AIM2: variants seen among roughly 807,000 people sequenced by gnomAD.
The protein encoded by AIM2 is interferon-inducible protein AIM2.
Under a neutral mutation model 27.7 loss-of-function variants are expected in AIM2, and 30 were observed. That is an observed-to-expected ratio of 1.08 (90% confidence interval 0.81 to 1.47). The LOEUF is 1.47. AIM2 is among the 40% of genes most tolerant of loss of function. The pLI is 0.00. For missense variants in AIM2, 358 were observed against 411.3 expected (o/e 0.87, Z 1.12); for synonymous variants, 141 against 145.3 (o/e 0.97, Z 0.21).
chr1:159,055,978 T>C, the AIM2 span, among the ~76,000 whole-genome samples: 3 of 151,914 alleles, frequency 2.0e-5, no homozygotes, highest in Non-Finnish European at 4.4e-5. Flanking sequence ...TCGTTTGGGG[T>C]GTGTACGTTA....
At chr1:159,110,110 CAT>C (rs541732195) in intron 1 of AIM2, among the ~76,000 whole-genome samples, 2 of 152,272 alleles carry the variant, frequency 1.3e-5, no homozygotes, top group East Asian at 1.9e-4. Context: ...CTTGCACACA[CAT>C]GTTTATAGCA....
At chr1:159,076,267 G>A (rs989826620) in intron 1 of AIM2, among the ~76,000 whole-genome samples, 1 of 152,110 alleles carries the variant, frequency 6.6e-6, no homozygotes, top group Admixed American at 6.5e-5. Context: ...TTATGTGATT[G>A]ACTCAGTTTT....
At position 159,116,126 on chromosome 1, in the gene AIM2, C is replaced by A. The variant is rs985670807; in HGVS notation, c.-16+24305G>T. Among the ~76,000 whole-genome samples the A allele has an allele frequency of 1.0e-3, 159 of 151,684 alleles. 1 individual carries two copies. The highest frequency in any genetic ancestry group is 3.2e-3 in the African/African-American group (133 of 41,502). ...ATCAGAGAAATGCAAATCAAAACCA[C>A]AATGAGATACCATCTCACACCTGTT... On this transcript the variant is annotated intron_variant, in intron 1 of 2. Transcript: ENST00000368129.
At chr1:159,076,147 A>G (rs1205049128) in intron 1 of AIM2, among the ~76,000 whole-genome samples, 1 of 152,184 alleles carries the variant, frequency 6.6e-6, no homozygotes, top group Non-Finnish European at 1.5e-5. Context: ...CCTTTGTTGA[A>G]TATCTACTGT....
chr1:159,121,345 A>C (rs1211070563), intron 1 of AIM2, among the ~76,000 whole-genome samples: 1 of 152,128 alleles, frequency 6.6e-6, no homozygotes, highest in Non-Finnish European at 1.5e-5. Context: ...CAAATAACAC[A>C]CTGTGACAAT....
the AIM2 span, chr1:159,055,065 A>T: frequency 2.4e-6 from 1 of 408,338 alleles, no homozygotes; most frequent in Non-Finnish European, 4.5e-6. Flanking sequence ...TTAATTTTTC[A>T]TAGTTTTTTT....
chr1:159,077,263 C>T (rs754454504), upstream of AIM2, among the ~76,000 whole-genome samples: 1 of 152,116 alleles, frequency 6.6e-6, no homozygotes, highest in Non-Finnish European at 1.5e-5. Flanking sequence ...TGAATAAGCA[C>T]AATGAAGGTA....
chr1:159,107,159 A>G (rs539422775), intron 1 of AIM2, among the ~76,000 whole-genome samples: 6 of 152,300 alleles, frequency 3.9e-5, no homozygotes, highest in Non-Finnish European at 5.9e-5. Flanking sequence ...CAATTTAGGG[A>G]TAAACTAGTA....
intron 1 of AIM2, among the ~76,000 whole-genome samples, chr1:159,084,667 G>A (rs1044000684): frequency 2.0e-5 from 3 of 151,862 alleles, no homozygotes; most frequent in Non-Finnish European, 4.4e-5. Context: ...CAATTACTTG[G>A]GAGGTTGAGG....
upstream of AIM2, among the ~76,000 whole-genome samples, chr1:159,141,538 C>G (rs1209417473): frequency 6.6e-6 from 1 of 152,022 alleles, no homozygotes; most frequent in East Asian, 1.9e-4. Flanking sequence ...CCTATAGCCT[C>G]CAGGGAGGAG....
At chr1:159,117,313 T>A (rs1466151024) in intron 1 of AIM2, among the ~76,000 whole-genome samples, 1 of 152,132 alleles carries the variant, frequency 6.6e-6, no homozygotes, top group Non-Finnish European at 1.5e-5. Context: ...AGATTAGGAT[T>A]CTAGAGGCAT....
At position 159,103,254 on chromosome 1, in the gene AIM2, C is replaced by T. The variant is rs559773275; in HGVS notation, c.-15-36925G>A. ...CTCCACCATGATTGTAAGTTTTCTG[C>T]GGCTTCCCTAGCCATTCAGAACTGT... On this transcript the variant is annotated intron_variant, in intron 1 of 2. Coordinates refer to the AIM2 transcript ENST00000368129. Among the ~76,000 whole-genome samples, 18 of 152,330 alleles carry T rather than the reference C, an allele frequency of 1.2e-4. No individual in the cohort carries two copies. The South Asian group carries it at 2.7e-3, about 23-fold the overall frequency.
chr1:159,130,418 A>G (rs1190510131), intron 1 of AIM2, among the ~76,000 whole-genome samples: 1 of 152,138 alleles, frequency 6.6e-6, no homozygotes, highest in Non-Finnish European at 1.5e-5. Flanking sequence ...TGACACCTCA[A>G]ATTCAACATG....
At chr1:159,075,053 A>G (rs1656537405) in intron 1 of AIM2, among the ~76,000 whole-genome samples, 1 of 152,208 alleles carries the variant, frequency 6.6e-6, no homozygotes, top group Non-Finnish European at 1.5e-5. Flanking sequence ...AGGTATCAAT[A>G]CTTACTACAA....
Position 159,102,593 on chromosome 1 carries a change from G to A in AIM2, c.-15-36264C>T, listed in dbSNP as rs188915854. Reference sequence around the variant, plus strand: ...GGAGCTGTACCCTGCAAAGCCACAAGGGCAGAGCTGCCCAAAGCCATGGGA... The same window carrying A: ...GGAGCTGTACCCTGCAAAGCCACAAAGGCAGAGCTGCCCAAAGCCATGGGA... On this transcript the variant is annotated intron_variant, in intron 1 of 2. Coordinates refer to the AIM2 transcript ENST00000368129. Among the ~76,000 whole-genome samples, 345 of 152,352 alleles carry A rather than the reference G, an allele frequency of 2.3e-3. 3 individuals carry two copies. The highest frequency in any genetic ancestry group is 7.8e-3 in the African/African-American group (325 of 41,592).
upstream of AIM2, among the ~76,000 whole-genome samples, chr1:159,142,392 C>T (rs532034000): frequency 4.6e-5 from 7 of 152,160 alleles, no homozygotes; most frequent in South Asian, 2.1e-4. Context: ...TATGTGTGAA[C>T]GTATATGTGT....
chr1:159,104,948 G>A (rs1481178310), intron 1 of AIM2, among the ~76,000 whole-genome samples: 1 of 152,174 alleles, frequency 6.6e-6, no homozygotes, highest in Non-Finnish European at 1.5e-5. Context: ...GGATGTTTCA[G>A]GGGTTGTTTC....
At chr1:159,087,339 T>A (rs543315083) in intron 1 of AIM2, among the ~76,000 whole-genome samples, 1,512 of 138,770 alleles carry the variant, frequency 0.011, 24 homozygotes, top group African/African-American at 0.035. Context: ...AAAAAAAAAA[T>A]GATCACCATG....
chr1:159,137,906 A>C (rs1648041402), intron 1 of AIM2, among the ~76,000 whole-genome samples: 1 of 152,188 alleles, frequency 6.6e-6, no homozygotes, highest in Non-Finnish European at 1.5e-5. Flanking sequence ...TCAGCAGTGC[A>C]GCATGCCTGC....
Sources: allele counts gnomAD v4.1 joint callset (sites outside exome capture counted in the v4.1 genomes callset), GRCh38; gene constraint gnomAD v4.1.1; transcripts MANE v1.5; gene names NCBI Gene and HGNC (gene_info 2026-07-23, HGNC 2026-07-21).